PLCB4: variants seen among roughly 807,000 people sequenced by gnomAD.
The protein encoded by PLCB4 is 1-phosphatidylinositol 4,5-bisphosphate phosphodiesterase beta-4.
PLCB4 carries 77 observed loss-of-function variants against 178.8 expected under a neutral mutation model. The observed-to-expected ratio is 0.43, with a 90% CI of 0.36 to 0.52. PLCB4 has a LOEUF of 0.52. Among genes scored for constraint, PLCB4 ranks in the 20% least tolerant of loss-of-function variants. PLCB4 has a pLI of 0.00. For missense variants in PLCB4, 1,024 were observed against 1,453.4 expected, an observed-to-expected ratio of 0.70 and a Z score of 4.80; for synonymous variants, 496 against 490.8, an observed-to-expected ratio of 1.01 and a Z score of -0.14.
At chr20:9,304,183 AG>A (rs2094737597) in intron 3 of PLCB4, among the ~76,000 whole-genome samples, 5 of 151,728 alleles carry the variant, frequency 3.3e-5, no homozygotes, top group Admixed American at 3.3e-4. Flanking sequence ...CTTTCTAAAA[AG>A]TTTATAATTT....
At chr20:9,121,723 A>G (rs1211520990) in intron 2 of PLCB4, among the ~76,000 whole-genome samples, 1 of 151,826 alleles carries the variant, frequency 6.6e-6, no homozygotes, top group Non-Finnish European at 1.5e-5. Context: ...TTCATTCAAA[A>G]CTCAGCTCTG....
At chr20:9,393,374 CTA>C (rs1376088386) in intron 17 of PLCB4, among the ~76,000 whole-genome samples, 1 of 152,178 alleles carries the variant, frequency 6.6e-6, no homozygotes, top group Non-Finnish European at 1.5e-5. Flanking sequence ...CCTCTGGAAA[CTA>C]TGTGGATTTC....
At chr20:9,399,058 C>T (rs1183751270) in intron 19 of PLCB4, among the ~76,000 whole-genome samples, 1 of 152,176 alleles carries the variant, frequency 6.6e-6, no homozygotes, top group East Asian at 1.9e-4. Flanking sequence ...GTTTCCTAAA[C>T]ACACACAGTC....
chr20:9,225,622 T>C (rs1040114603), intron 3 of PLCB4, among the ~76,000 whole-genome samples: 1 of 152,184 alleles, frequency 6.6e-6, no homozygotes, highest in Non-Finnish European at 1.5e-5. Context: ...AGTAAGAACT[T>C]ATTCCAAAGA....
At chr20:9,076,863 G>C (rs955371031) in intron 1 of PLCB4, among the ~76,000 whole-genome samples, 1 of 152,082 alleles carries the variant, frequency 6.6e-6, no homozygotes, top group African/African-American at 2.4e-5. Flanking sequence ...AATGATGTAA[G>C]TAATACATTA....
At chr20:9,115,494 T>G (rs540606178) in intron 2 of PLCB4, among the ~76,000 whole-genome samples, 1 of 151,486 alleles carries the variant, frequency 6.6e-6, no homozygotes, top group Admixed American at 6.6e-5. Flanking sequence ...TTGTTACATA[T>G]GTATACATGT....
At chr20:9,460,973 T>C (rs2043351460) in intron 35 of PLCB4, among the ~76,000 whole-genome samples, 1 of 152,226 alleles carries the variant, frequency 6.6e-6, no homozygotes. Flanking sequence ...AGAAGTTGTC[T>C]TTTCTTTTTT....
intron 3 of PLCB4, 59 bp from the exon 4 acceptor site, chr20:9,307,741 A>G (rs1207162230): frequency 4.2e-6 from 3 of 716,366 alleles, no homozygotes; most frequent in African/African-American, 3.6e-5. Flanking sequence ...GAAGTGATTA[A>G]CCATCCTCAA....
intron 3 of PLCB4, among the ~76,000 whole-genome samples, chr20:9,278,657 T>C (rs2094469684): frequency 6.6e-6 from 1 of 152,004 alleles, no homozygotes; most frequent in African/African-American, 2.4e-5. Context: ...CACATAGATA[T>C]CATAACCTTC....
chr20:9,157,822 T>A (rs780478880), intron 2 of PLCB4, among the ~76,000 whole-genome samples: 20 of 152,250 alleles, frequency 1.3e-4, no homozygotes, highest in Non-Finnish European at 2.4e-4. Flanking sequence ...GTCCTAGCTA[T>A]TTGGGAGACT....
intron 2 of PLCB4, among the ~76,000 whole-genome samples, chr20:9,209,838 C>T (rs1365686978): frequency 6.6e-6 from 1 of 151,836 alleles, no homozygotes; most frequent in East Asian, 1.9e-4. Flanking sequence ...GTGGCGGGCG[C>T]CTGTAGTCCC....
chr20:9,290,640 C>G (rs2094572332), intron 3 of PLCB4, among the ~76,000 whole-genome samples: 1 of 152,100 alleles, frequency 6.6e-6, no homozygotes, highest in Non-Finnish European at 1.5e-5. Context: ...AAGAGTTGTT[C>G]TAGAAATGCC....
intron 30 of PLCB4, among the ~76,000 whole-genome samples, chr20:9,437,956 A>G (rs1361248318): frequency 6.6e-6 from 1 of 152,228 alleles, no homozygotes; most frequent in African/African-American, 2.4e-5. Flanking sequence ...AACCATGCCT[A>G]GTTAAAATCT....
At chr20:9,211,460 T>A (rs2093672102) in intron 2 of PLCB4, among the ~76,000 whole-genome samples, 1 of 152,160 alleles carries the variant, frequency 6.6e-6, no homozygotes, top group Admixed American at 6.5e-5. Flanking sequence ...AGACCTACAG[T>A]CAAACAGAAT....
chr20:9,471,252 A>G (rs544121362), intron 36 of PLCB4, among the ~76,000 whole-genome samples: 1 of 152,334 alleles, frequency 6.6e-6, no homozygotes, highest in African/African-American at 2.4e-5. Context: ...AGTTGGAAAA[A>G]CAGAGTGAAC....
chr20:9,446,612 C>T (rs2042428396), intron 32 of PLCB4, among the ~76,000 whole-genome samples: 2 of 152,178 alleles, frequency 1.3e-5, no homozygotes, highest in African/African-American at 2.4e-5. Context: ...GACATGGTGG[C>T]TCATGCATGT....
At chr20:9,200,272 C>A (rs1263393176) in intron 2 of PLCB4, among the ~76,000 whole-genome samples, 1 of 152,096 alleles carries the variant, frequency 6.6e-6, no homozygotes, top group Admixed American at 6.6e-5. Flanking sequence ...AAATCATTTC[C>A]CTTTCTTACA....
intron 16 of PLCB4, among the ~76,000 whole-genome samples, 197 bp from the exon 17 acceptor site, chr20:9,390,334 A>AGTTTT (rs1489947241): frequency 1.3e-5 from 2 of 152,188 alleles, no homozygotes; most frequent in Non-Finnish European, 2.9e-5. Context: ...TCCAGCTCTT[A>AGTTTT]GTTTTGGAAC....
intron 2 of PLCB4, among the ~76,000 whole-genome samples, chr20:9,172,849 C>T (rs1245775929): frequency 6.6e-6 from 1 of 152,150 alleles, no homozygotes; most frequent in Non-Finnish European, 1.5e-5. Flanking sequence ...AAGTTACTTC[C>T]ATATGTCTGG....
Sources: allele counts gnomAD v4.1 joint callset (sites outside exome capture counted in the v4.1 genomes callset), GRCh38; gene constraint gnomAD v4.1.1; transcripts MANE v1.5; gene names NCBI Gene and HGNC (gene_info 2026-07-23, HGNC 2026-07-21).